PSD: variants seen among roughly 807,000 people sequenced by gnomAD.
The protein encoded by PSD is pleckstrin and Sec7 domain containing, also known as PH and SEC7 domain-containing protein 1.
A neutral mutation model predicts 91.6 loss-of-function variants in PSD; 32 were observed. The ratio of observed to expected loss-of-function variants is 0.35; its 90% CI spans 0.26 to 0.47. PSD has a LOEUF of 0.47. PSD is among the 20% of genes least tolerant of loss of function. The pLI is 1.00. For synonymous variants in PSD, 532 were observed against 569.3 expected (o/e 0.93, Z 0.93); for missense variants, 1,099 against 1,373.9 (o/e 0.80, Z 3.16).
In PSD at chr10:102,414,022, G is replaced by T. The variant is rs922122464; in HGVS notation, c.1300C>A (p.Pro434Thr). Residue 434 changes from proline to threonine, a missense_variant, in exon 5 of 17, where the codon CCA becomes ACA. Transcript: ENST00000020673. The surrounding 1 kb of genome is among the most constrained non-coding windows in gnomAD (Gnocchi z 5.6). The part of the protein sequence containing the change: ...ASLEALASPG[P>T]TQSPFFTFEL... ...AAGGTGAAGAAGGGGCTCTGGGTTG[G>T]GCCAGGTGAGGCCAAGGCCTCCAGC... 3 of 1,614,026 alleles carry T rather than the reference G, an allele frequency of 1.9e-6. No individual in the cohort carries two copies. Among genetic ancestry groups the T allele is most frequent in the Non-Finnish European group, 2.5e-6 (3 of 1,179,878 alleles).
rs201286175 is a variant in PSD at position 102,402,917 on chromosome 10, A to C, written c.*283T>G. The C allele has an allele frequency of 4.0e-4, 130 of 322,498 alleles. 1 individual carries two copies. The highest frequency in any genetic ancestry group is 1.9e-3 in the South Asian group (16 of 8,280). The allele number at this position is 322,498 out of a possible 1,614,324, so 20.0% of individuals were successfully genotyped here. ...AACGGCATCAGGCCTCTCCCACACA[A>C]AAAAAAAGCATCAAAAGTTCAGGGG... On this transcript the variant is annotated 3_prime_UTR_variant, in exon 17 of 17. Transcript: ENST00000020673.
At chr10:102,411,020 GT>G (rs763566033) in intron 9 of PSD, 37 bp downstream of exon 9, 5 of 1,613,230 alleles carry the variant, frequency 3.1e-6, no homozygotes, top group East Asian at 4.5e-5. Context: ...CTGGCCAGGG[GT>G]TTGTTTTCCG....
intron 8 of PSD, among the ~76,000 whole-genome samples, chr10:102,411,330 G>A (rs1589888585): frequency 1.6e-5 from 2 of 128,990 alleles, no homozygotes; most frequent in East Asian, 4.6e-4. Context: ...AGGGCTAGTT[G>A]CCCCAACGTA....
chr10:102,405,641 TG>T lies in PSD; in HGVS notation c.2136-106del, dbSNP rs1371854440. 21 of 1,116,798 alleles carry T rather than the reference TG, an allele frequency of 1.9e-5. No individual in the cohort carries two copies. The East Asian group carries it at 4.7e-4, about 25-fold the overall frequency. The allele number at this position is 1,116,798 out of a possible 1,614,324, so 69.2% of individuals were successfully genotyped here. ...AAAAGCTCCCCCAGTGTTTGTGGCT[TG>T]GGGGGCTCAACCTGAGGGTCCTGCC... On this transcript the variant is annotated intron_variant, in intron 11 of 16. Coordinates refer to ENST00000020673, the MANE Select transcript of PSD (RefSeq NM_002779.5). This position sits in a 1 kb window ranked among gnomAD's most constrained non-coding sequence, Gnocchi z 5.4.
chr10:102,418,531 G>A (rs1460567463), intron 1 of PSD, among the ~76,000 whole-genome samples, 170 bp downstream of exon 1: 1 of 152,096 alleles, frequency 6.6e-6, no homozygotes, highest in Admixed American at 6.5e-5. Context: ...CCAGGGGTAA[G>A]ACAGATCCCG....
At position 102,416,587 on chromosome 10, in the gene PSD, A is replaced by T. The variant is rs1372440717; in HGVS notation, c.452T>A (p.Leu151Gln). 1.9e-6 allele frequency: 3 copies of T among 1,593,904 alleles called. No homozygotes were observed. Among genetic ancestry groups the T allele is most frequent in the African/African-American group, 2.7e-5 (2 of 74,266 alleles). ...GAGTGGGTCTGATGTGGATGCTTCCAGCCGTAACTTCCGGTTGGAGCCAGG... is the reference window on the plus strand; with the variant it reads ...GAGTGGGTCTGATGTGGATGCTTCCTGCCGTAACTTCCGGTTGGAGCCAGG... ...LGPGSNRKLR[L>Q]EASTSDPLPA... Residue 151 changes from leucine (L) to glutamine (Q), a missense_variant, in exon 2 of 17, where the codon CTG (leucine) becomes CAG (glutamine). This residue lies in a region of PSD where 631 missense variants were observed against 728.8 expected (regional missense o/e 0.87). Transcript: ENST00000020673. This position sits in a 1 kb window ranked among gnomAD's most constrained non-coding sequence, Gnocchi z 6.0.
At chr10:102,418,918 G>C (rs2061521727), upstream of PSD, 1 of 349,504 alleles carries the variant, frequency 2.9e-6, no homozygotes, top group Admixed American at 3.6e-5. Flanking sequence ...CTTGTCGCTA[G>C]GTCCCCGCTG....
In PSD at chr10:102,404,958, T is replaced by C. The variant is rs1033349414; in HGVS notation, c.2495A>G (p.Lys832Arg). Residue 832 changes from lysine to arginine, a missense_variant, in exon 14 of 17, where the codon AAG (lysine) becomes AGG (arginine). By Grantham distance (26) the Lys-to-Arg change is conservative. Transcript: ENST00000020673. This position sits in a 1 kb window ranked among gnomAD's most constrained non-coding sequence, Gnocchi z 5.7. ...GCGCAGGTAGAAGACGTGGGGCCTC[T>C]TGCTGTAGTCACTGGCACGAGTGGC... Reference protein sequence around the residue: ...ALATRASDYSKRPHVFYLRTA... With the variant: ...ALATRASDYSRRPHVFYLRTA... 1 of 1,613,990 alleles carries C rather than the reference T, an allele frequency of 6.2e-7. No individual in the cohort carries two copies. The highest frequency in any genetic ancestry group is 1.3e-5 in the African/African-American group (1 of 74,916).
chr10:102,419,887 T>C (rs1453257170), upstream of PSD: 3 of 246,712 alleles, frequency 1.2e-5, no homozygotes, highest in East Asian at 1.7e-4. This position sits in a 1 kb window ranked among gnomAD's most constrained non-coding sequence, Gnocchi z 4.8. Context: ...ACTTGACCCC[T>C]TTCTTGTCTC....
In PSD at chr10:102,414,505, G is replaced by T. The variant is rs1293810432; in HGVS notation, c.1125-308C>A. Among the ~76,000 whole-genome samples the T allele has an allele frequency of 4.6e-5, 7 of 151,964 alleles. No homozygotes were observed. The highest frequency in any genetic ancestry group is 1.0e-4 in the Non-Finnish European group (7 of 68,000). Reference sequence around the variant, plus strand: ...TATTTCTAGCAACATCTTAGGAGAAGATGAGGCTCCAAGCGACACTGGGGT... The same window carrying T: ...TATTTCTAGCAACATCTTAGGAGAATATGAGGCTCCAAGCGACACTGGGGT... On this transcript the variant is annotated intron_variant, in intron 4 of 16. Coordinates refer to ENST00000020673, the MANE Select transcript of PSD (RefSeq NM_002779.5). The surrounding 1 kb of genome is among the most constrained non-coding windows in gnomAD (Gnocchi z 5.6).
rs2061435661 is a variant in PSD at position 102,412,583 on chromosome 10, G to A, written c.1554-8C>T. The A allele has an allele frequency of 1.9e-6, 3 of 1,605,530 alleles. No homozygotes were observed. The highest frequency in any genetic ancestry group is 2.6e-6 in the Non-Finnish European group (3 of 1,174,780). On this transcript the variant is annotated splice_region_variant and splice_polypyrimidine_tract_variant and intron_variant, in intron 5 of 16. Transcript: ENST00000020673. ...TGGCTCAGGGGTGGTTCGCTGCCGGGGTAGAACACCAGCTCAGGCTGGGGC... is the reference window on the plus strand; with the variant it reads ...TGGCTCAGGGGTGGTTCGCTGCCGGAGTAGAACACCAGCTCAGGCTGGGGC...
At chr10:102,411,921 G>T (rs2061429066) in intron 7 of PSD, 102 bp from the exon 8 acceptor site, 1 of 952,822 alleles carries the variant, frequency 1.0e-6, no homozygotes, top group Non-Finnish European at 1.7e-6. Flanking sequence ...GGGGTGGGAA[G>T]GGGAGGAGAG....
chr10:102,412,006 G>A, intron 7 of PSD, 141 bp downstream of exon 7: 1 of 1,075,262 alleles, frequency 9.3e-7, no homozygotes, highest in Admixed American at 1.7e-5. Context: ...GGCAGCTCTG[G>A]CCCTTGGCCA....
rs372041899 is a variant in PSD at position 102,413,904 on chromosome 10, G to A, written c.1418C>T (p.Ala473Val). The A allele has an allele frequency of 3.7e-6, 6 of 1,613,956 alleles. No homozygotes were observed. The highest frequency in any genetic ancestry group is 1.1e-5 in the South Asian group (1 of 91,088). The change falls in exon 5 of 17, where the codon GCT (alanine) becomes GTT (valine). Residue 473 changes from alanine (A) to valine (V), a missense_variant. By Grantham distance (64) the Ala-to-Val change is moderately conservative. Coordinates refer to ENST00000020673, the MANE Select transcript of PSD (RefSeq NM_002779.5). ...PLEPDSGTSS[A>V]ADGPWTQRGE... ...TCTCTGTGTCCAAGGACCATCAGCA[G>A]CAGAGCTGGTACCAGAATCCGGTTC...
In PSD at chr10:102,404,759, G is replaced by A. The variant is rs1454819807; in HGVS notation, c.2556-32C>T. 6.4e-7 allele frequency: 1 copy of A among 1,555,866 alleles called. No individual in the cohort carries two copies. The highest frequency in any genetic ancestry group is 1.9e-5 in the Admixed American group (1 of 53,626). ...AGAAAGCACAGCCCTTTGGGACCTG[G>A]GCCCAGGGTTTCTGTCCCAGGATGC... On this transcript the variant is annotated intron_variant, in intron 14 of 16. Transcript: ENST00000020673. This position sits in a 1 kb window ranked among gnomAD's most constrained non-coding sequence, Gnocchi z 5.7.
Position 102,403,461 on chromosome 10 carries a change from C to T in PSD, c.2845-31G>A. 1.3e-6 allele frequency: 2 copies of T among 1,563,554 alleles called. No homozygotes were observed. Among genetic ancestry groups the T allele is most frequent in the East Asian group, 2.3e-5 (1 of 44,082 alleles). ...GCAGAGGGGCAGGGGCTGTGAGAGC[C>T]TCTTCTCTGCCTTCTGCCCACCCCA... On this transcript the variant is annotated intron_variant, in intron 16 of 16. Coordinates refer to ENST00000020673, the MANE Select transcript of PSD (RefSeq NM_002779.5). The surrounding 1 kb of genome is among the most constrained non-coding windows in gnomAD (Gnocchi z 6.7).
chr10:102,413,336 C>T (rs559830039), intron 5 of PSD, among the ~76,000 whole-genome samples: 8 of 152,200 alleles, frequency 5.3e-5, no homozygotes, highest in South Asian at 2.1e-4. Flanking sequence ...TGGAGCTGGA[C>T]GAGAGATGCC....
At chr10:102,411,611 T>A in intron 8 of PSD, 96 bp downstream of exon 8, 1 of 900,242 alleles carries the variant, frequency 1.1e-6, no homozygotes, top group Non-Finnish European at 1.8e-6. Flanking sequence ...CATTCCCTGC[T>A]GTACACACAC....
upstream of PSD, chr10:102,419,021 C>T: frequency 6.2e-6 from 2 of 321,932 alleles, no homozygotes; most frequent in South Asian, 4.6e-5. The surrounding 1 kb of genome is among the most constrained non-coding windows in gnomAD (Gnocchi z 4.8). Context: ...TGCCCCACCC[C>T]ACTTGTGTCC....
Sources: allele counts gnomAD v4.1 joint callset (sites outside exome capture counted in the v4.1 genomes callset), GRCh38; gene constraint gnomAD v4.1.1; regional missense constraint gnomAD v4.1.1; non-coding constraint Gnocchi (gnomAD v3.1); transcripts MANE v1.5; gene names NCBI Gene and HGNC (gene_info 2026-07-23, HGNC 2026-07-21).